The following STXBP5L variants were observed in gnomAD, a reference collection of about 807,000 sequenced individuals.
The protein encoded by STXBP5L is syntaxin-binding protein 5-like.
Under a neutral mutation model 144.5 loss-of-function variants are expected in STXBP5L, and 65 were observed. The observed-to-expected ratio is 0.45, with a 90% CI of 0.37 to 0.55. The LOEUF (loss-of-function observed/expected upper bound fraction) is 0.55. Among genes scored for constraint, STXBP5L ranks in the 20% least tolerant of loss-of-function variants. The pLI is 0.00. For missense variants in STXBP5L, 1,298 were observed against 1,405.5 expected (o/e 0.92, Z 1.22); for synonymous variants, 505 against 469.6 (o/e 1.08, Z -0.97).
intron 9 of STXBP5L, among the ~76,000 whole-genome samples, chr3:121,186,805 A>G (rs2047401301): frequency 6.6e-6 from 1 of 152,200 alleles, no homozygotes; most frequent in South Asian, 2.1e-4. Context: ...CAAAAGACAC[A>G]TGAAAAAATG....
chr3:121,033,756 TTA>T (rs1363730331), intron 3 of STXBP5L, among the ~76,000 whole-genome samples: 2 of 151,770 alleles, frequency 1.3e-5, no homozygotes, highest in African/African-American at 2.4e-5. Flanking sequence ...GAAAGATAAA[TTA>T]TAGTGTTTTA....
At chr3:121,017,188 A>G (rs566077124) in intron 3 of STXBP5L, among the ~76,000 whole-genome samples, 2 of 152,312 alleles carry the variant, frequency 1.3e-5, no homozygotes, top group Admixed American at 1.3e-4. Flanking sequence ...AAACAATTAA[A>G]TGATTATATT....
At chr3:121,202,860 T>C (rs1161778497) in intron 9 of STXBP5L, among the ~76,000 whole-genome samples, 2 of 152,124 alleles carry the variant, frequency 1.3e-5, no homozygotes, top group Non-Finnish European at 2.9e-5. Flanking sequence ...TGTTTCTGAG[T>C]AGAGATTTCT....
chr3:121,031,553 G>A (rs1946371772), intron 3 of STXBP5L, among the ~76,000 whole-genome samples: 1 of 152,050 alleles, frequency 6.6e-6, no homozygotes, highest in South Asian at 2.1e-4. Flanking sequence ...GCAGTCTGGA[G>A]TCAGAATTCT....
At chr3:121,231,067 C>A (rs1310777753) in intron 11 of STXBP5L, among the ~76,000 whole-genome samples, 1 of 152,152 alleles carries the variant, frequency 6.6e-6, no homozygotes, top group African/African-American at 2.4e-5. Context: ...GATTAATGGG[C>A]AGCTTCTTTC....
At position 120,994,250 on chromosome 3, in the gene STXBP5L, T is replaced by A. The variant is rs1943161532; in HGVS notation, c.287+39213T>A. 2.6e-5 allele frequency among the ~76,000 whole-genome samples: 4 copies of A among 152,258 alleles called. No homozygotes were observed. In the South Asian group the frequency reaches 8.3e-4, roughly 32 times the overall value. ...ATTTCTGCAAAGGGACAGTTTGACT[T>A]CCTCTTTTCTAATTTGGATGCCTTT... On this transcript the variant is annotated intron_variant, in intron 3 of 26. Coordinates refer to ENST00000471454, the MANE Select transcript of STXBP5L (RefSeq NM_001308330.2).
At chr3:121,171,406 G>A (rs2046712124) in intron 9 of STXBP5L, among the ~76,000 whole-genome samples, 1 of 152,158 alleles carries the variant, frequency 6.6e-6, no homozygotes, top group African/African-American at 2.4e-5. Flanking sequence ...AGGAAGAGAG[G>A]AAGTCATATT....
intron 22 of STXBP5L, among the ~76,000 whole-genome samples, chr3:121,393,006 A>G (rs768325423): frequency 3.9e-5 from 6 of 151,940 alleles, no homozygotes; most frequent in Non-Finnish European, 8.8e-5. Context: ...AGACATCTCC[A>G]TATTGCTTTC....
chr3:121,257,942 AT>A (rs144166486), intron 17 of STXBP5L, among the ~76,000 whole-genome samples: 3 of 152,094 alleles, frequency 2.0e-5, no homozygotes, highest in African/African-American at 7.2e-5. Flanking sequence ...AATAATGATA[AT>A]TTTTTAAAGA....
chr3:121,101,821 T>A (rs1361486681), intron 5 of STXBP5L, among the ~76,000 whole-genome samples: 1 of 152,116 alleles, frequency 6.6e-6, no homozygotes, highest in Non-Finnish European at 1.5e-5. Context: ...TATAATTCTA[T>A]ACCTAGAAAA....
intron 3 of STXBP5L, among the ~76,000 whole-genome samples, chr3:121,025,875 ATTAT>A (rs1288991778): frequency 2.7e-5 from 4 of 146,858 alleles, no homozygotes; most frequent in East Asian, 3.9e-4. Context: ...TTATATTATA[ATTAT>A]TTATATATTT....
rs557478446 is a variant in STXBP5L, at chr3:120,922,874, G to T, written c.189+13107G>T. On this transcript the variant is annotated intron_variant, in intron 2 of 26. Coordinates refer to ENST00000471454, the MANE Select transcript of STXBP5L (RefSeq NM_001308330.2). ...TGGTTTTCATAATTCTGGTCTCATAGGATAAGTTTGGAAGTATTCCCTCTT... is the reference window on the plus strand; with the variant it reads ...TGGTTTTCATAATTCTGGTCTCATATGATAAGTTTGGAAGTATTCCCTCTT... Among the ~76,000 whole-genome samples, 4 of 151,888 alleles carry T rather than the reference G, an allele frequency of 2.6e-5. No homozygotes were observed. The East Asian group carries it at 7.7e-4, about 29-fold the overall frequency.
chr3:121,400,861 G>C (rs996967268), intron 22 of STXBP5L, among the ~76,000 whole-genome samples: 2 of 152,112 alleles, frequency 1.3e-5, no homozygotes, highest in Non-Finnish European at 2.9e-5. Flanking sequence ...GTTCAAAATA[G>C]AGGTTAAATG....
intron 18 of STXBP5L, among the ~76,000 whole-genome samples, chr3:121,272,522 A>G (rs940687864): frequency 1.3e-5 from 2 of 152,184 alleles, no homozygotes; most frequent in East Asian, 3.9e-4. Context: ...GGCTAAAGTT[A>G]ATCTCTTGTA....
chr3:121,351,067 G>GT (rs775291871), intron 20 of STXBP5L, among the ~76,000 whole-genome samples: 5 of 152,056 alleles, frequency 3.3e-5, no homozygotes, highest in Non-Finnish European at 7.4e-5. Flanking sequence ...TTTCTGCTCT[G>GT]TTTTTTCCCC....
At chr3:121,333,421 T>A (rs1358411284) in intron 20 of STXBP5L, among the ~76,000 whole-genome samples, 1 of 151,394 alleles carries the variant, frequency 6.6e-6, no homozygotes, top group African/African-American at 2.4e-5. Flanking sequence ...CATCAAAAAG[T>A]TGGAAAGATC....
chr3:121,242,029 T>C (rs1219961684), intron 14 of STXBP5L, among the ~76,000 whole-genome samples: 1 of 152,144 alleles, frequency 6.6e-6, no homozygotes, highest in African/African-American at 2.4e-5. Flanking sequence ...TCTTGAATCC[T>C]ATAACCAATG....
At chr3:120,930,739 C>G (rs966310216) in intron 2 of STXBP5L, among the ~76,000 whole-genome samples, 1 of 152,152 alleles carries the variant, frequency 6.6e-6, no homozygotes, top group Admixed American at 6.6e-5. Context: ...TTCTGCTTCC[C>G]TCTTCCACTG....
At chr3:121,173,929 T>G (rs2046832615) in intron 9 of STXBP5L, among the ~76,000 whole-genome samples, 1 of 152,038 alleles carries the variant, frequency 6.6e-6, no homozygotes, top group South Asian at 2.1e-4. Context: ...ATTTAAGGTT[T>G]TTGATATTGC....
Sources: allele counts gnomAD v4.1 joint callset (sites outside exome capture counted in the v4.1 genomes callset), GRCh38; gene constraint gnomAD v4.1.1; transcripts MANE v1.5; gene names NCBI Gene and HGNC (gene_info 2026-07-23, HGNC 2026-07-21).